ASTN2: variants seen among roughly 807,000 people sequenced by gnomAD.
The protein encoded by ASTN2 is astrotactin 2, also known as astrotactin-2.
ASTN2 carries 54 observed loss-of-function variants against 139.8 expected under a neutral mutation model. The observed-to-expected ratio is 0.39, with a 90% CI of 0.31 to 0.48. The LOEUF (loss-of-function observed/expected upper bound fraction) is 0.48, where lower values mean the gene tolerates loss of function less well. ASTN2 is among the 20% of genes least tolerant of loss of function. The pLI is 0.95. For missense variants in ASTN2, 1,565 were observed against 1,725.1 expected (o/e 0.91, Z 1.64); for synonymous variants, 756 against 719.5 (o/e 1.05, Z -0.81).
At chr9:116,445,739 AT>A (rs1847967973) in intron 20 of ASTN2, among the ~76,000 whole-genome samples, 1 of 152,156 alleles carries the variant, frequency 6.6e-6, no homozygotes, top group Non-Finnish European at 1.5e-5. Flanking sequence ...ATAGGGTGAA[AT>A]TATCCATATC....
chr9:116,963,701 C>T (rs932339041), intron 10 of ASTN2, among the ~76,000 whole-genome samples: 1 of 152,180 alleles, frequency 6.6e-6, no homozygotes, highest in Non-Finnish European at 1.5e-5. Flanking sequence ...CTCCTCCAAG[C>T]TCACTCTCAG....
chr9:117,027,035 T>C (rs758912481), intron 6 of ASTN2, among the ~76,000 whole-genome samples: 3 of 152,148 alleles, frequency 2.0e-5, no homozygotes, highest in Non-Finnish European at 4.4e-5. Flanking sequence ...GAAGAAGTAA[T>C]TGCAAATGTA....
intron 20 of ASTN2, among the ~76,000 whole-genome samples, chr9:116,467,190 C>G (rs1040486382): frequency 6.6e-6 from 1 of 152,126 alleles, no homozygotes; most frequent in Admixed American, 6.6e-5. Flanking sequence ...CATCTTCATA[C>G]CCCTCATAAG....
intron 19 of ASTN2, among the ~76,000 whole-genome samples, chr9:116,599,448 A>T (rs1008620265): frequency 6.6e-6 from 1 of 152,262 alleles, no homozygotes; most frequent in Non-Finnish European, 1.5e-5. Flanking sequence ...ATTGGCTATC[A>T]TCTACATGCC....
At chr9:117,151,335 A>G (rs1445024208) in intron 3 of ASTN2, among the ~76,000 whole-genome samples, 2 of 152,160 alleles carry the variant, frequency 1.3e-5, no homozygotes, top group African/African-American at 4.8e-5. Flanking sequence ...ACTTCAGAGG[A>G]AGGCCACATC....
intron 1 of ASTN2, among the ~76,000 whole-genome samples, chr9:117,352,404 C>T (rs1829417750): frequency 6.6e-6 from 1 of 152,218 alleles, no homozygotes; most frequent in Non-Finnish European, 1.5e-5. Flanking sequence ...ACCTCCTACA[C>T]ATTAAACACA....
chr9:116,658,921 G>C (rs1858393822), intron 16 of ASTN2, among the ~76,000 whole-genome samples: 1 of 151,982 alleles, frequency 6.6e-6, no homozygotes. Context: ...TTCCTGATTT[G>C]AAAGTATGTT....
At chr9:116,921,536 C>T (rs898242676) in intron 10 of ASTN2, among the ~76,000 whole-genome samples, 29 of 145,312 alleles carry the variant, frequency 2.0e-4, no homozygotes, top group Admixed American at 1.3e-3. Context: ...TGCAGTGAGC[C>T]GAGATTGGAC....
At chr9:116,884,645 C>T (rs1053893530) in intron 10 of ASTN2, among the ~76,000 whole-genome samples, 3 of 152,060 alleles carry the variant, frequency 2.0e-5, no homozygotes, top group Non-Finnish European at 4.4e-5. Flanking sequence ...GCACTCCAGC[C>T]TGGGTGACAG....
At chr9:117,224,363 A>T (rs1433683971) in intron 2 of ASTN2, among the ~76,000 whole-genome samples, 3 of 152,204 alleles carry the variant, frequency 2.0e-5, no homozygotes, top group African/African-American at 7.2e-5. Context: ...CAAGTAGTGG[A>T]TCTTTATTAT....
intron 4 of ASTN2, among the ~76,000 whole-genome samples, chr9:117,137,028 T>C (rs1413414): frequency 0.76 from 116,193 of 152,136 alleles, 44,477 homozygotes; most frequent in East Asian, 0.83. Flanking sequence ...ATTTCTTCTG[T>C]ACATCCAAAG....
intron 19 of ASTN2, among the ~76,000 whole-genome samples, chr9:116,549,316 G>A (rs1467146744): frequency 1.3e-5 from 2 of 151,930 alleles, no homozygotes; most frequent in African/African-American, 2.4e-5. Flanking sequence ...GAAGAGAAAG[G>A]GGTAAAACGT....
At position 116,919,361 on chromosome 9, in the gene ASTN2, A is replaced by G. The variant is rs147517422; in HGVS notation, c.1890-55628T>C. On this transcript the variant is annotated intron_variant, in intron 10 of 22. Coordinates refer to ENST00000313400, the MANE Select transcript of ASTN2 (RefSeq NM_001365068.1). ...CCCATCTCTGGGCTTTTGTCTCTCC[A>G]AATGTAGAAGAGAAATGGAACCTCA... Among the ~76,000 whole-genome samples the G allele has an allele frequency of 2.9e-3, 437 of 152,296 alleles. 1 individual carries two copies. Among genetic ancestry groups the G allele is most frequent in the African/African-American group, 0.01 (424 of 41,564 alleles).
At chr9:117,330,203 C>G (rs1415373430) in intron 1 of ASTN2, among the ~76,000 whole-genome samples, 1 of 152,164 alleles carries the variant, frequency 6.6e-6, no homozygotes, top group South Asian at 2.1e-4. Flanking sequence ...ACCCTCCCAC[C>G]AGGACACTCC....
chr9:117,133,663 C>T (rs1391902839), intron 4 of ASTN2, among the ~76,000 whole-genome samples: 1 of 152,040 alleles, frequency 6.6e-6, no homozygotes, highest in African/African-American at 2.4e-5. Flanking sequence ...CTATAAATTA[C>T]TTGAATAAAA....
At chr9:116,993,193 C>T (rs147104915) in intron 7 of ASTN2, among the ~76,000 whole-genome samples, 151 of 152,280 alleles carry the variant, frequency 9.9e-4, no homozygotes, top group African/African-American at 3.2e-3. Context: ...GCCCTCTGAA[C>T]GCTCTGGGAT....
At chr9:117,166,057 T>C (rs150133660) in intron 3 of ASTN2, among the ~76,000 whole-genome samples, 267 of 152,252 alleles carry the variant, frequency 1.8e-3, no homozygotes, top group African/African-American at 5.4e-3. Context: ...TGCTTATTAG[T>C]AATTATATAA....
intron 19 of ASTN2, among the ~76,000 whole-genome samples, chr9:116,614,106 T>A (rs1471784934): frequency 6.6e-6 from 1 of 152,048 alleles, no homozygotes; most frequent in Non-Finnish European, 1.5e-5. Flanking sequence ...AAATCATGAG[T>A]GAACTCCCAT....
At chr9:116,474,960 G>T (rs1214067962) in intron 20 of ASTN2, among the ~76,000 whole-genome samples, 1 of 152,142 alleles carries the variant, frequency 6.6e-6, no homozygotes, top group Non-Finnish European at 1.5e-5. Flanking sequence ...GTAAAAGACA[G>T]AAGTCAGAAG....
Sources: gnomAD v4.1 joint callset for allele counts (sites outside exome capture counted in the v4.1 genomes callset) on GRCh38, gnomAD v4.1.1 for gene constraint, MANE v1.5 for transcripts, NCBI Gene and HGNC (gene_info 2026-07-23, HGNC 2026-07-21) for gene names.